SLC35F1: variants seen among roughly 807,000 people sequenced by gnomAD.
SLC35F1 encodes chromosome 6 open reading frame 169.
In SLC35F1, 14 loss-of-function variants were observed where a neutral mutation model predicts 48.7. The ratio of observed to expected loss-of-function variants is 0.29; its 90% confidence interval spans 0.19 to 0.45. The LOEUF (loss-of-function observed/expected upper bound fraction) is 0.45. Ranked by LOEUF, SLC35F1 falls within the 20% of genes least tolerant of loss-of-function variation. SLC35F1 has a pLI of 1.00. For missense variants in SLC35F1, 404 were observed against 500.0 expected (o/e 0.81, Z 1.83); for synonymous variants, 190 against 202.2 (o/e 0.94, Z 0.51).
intron 1 of SLC35F1, among the ~76,000 whole-genome samples, chr6:117,950,574 C>T (rs1322951891): frequency 6.6e-6 from 1 of 152,298 alleles, no homozygotes; most frequent in Admixed American, 6.5e-5. Context: ...CATCACTCTT[C>T]AGTAGAGTGA....
intron 1 of SLC35F1, among the ~76,000 whole-genome samples, chr6:117,923,201 A>G (rs905067406): frequency 6.6e-6 from 1 of 152,140 alleles, no homozygotes; most frequent in Non-Finnish European, 1.5e-5. Context: ...AACCAGATGA[A>G]GTTTATTTCT....
intron 3 of SLC35F1, among the ~76,000 whole-genome samples, chr6:118,254,422 T>G (rs1201551981): frequency 6.6e-6 from 1 of 152,160 alleles, no homozygotes; most frequent in African/African-American, 2.4e-5. Context: ...GCTGGGACTA[T>G]AGGTGTGTGC....
At chr6:117,970,947 T>C (rs1776629983) in intron 1 of SLC35F1, among the ~76,000 whole-genome samples, 1 of 152,196 alleles carries the variant, frequency 6.6e-6, no homozygotes, top group South Asian at 2.1e-4. Flanking sequence ...CCAAATCTCA[T>C]GTCCTCACAT....
Position 118,275,443 on chromosome 6 carries a change from T to G in SLC35F1, c.638-16T>G, listed in dbSNP as rs1440251833. 30 of 1,598,234 alleles carry G rather than the reference T, an allele frequency of 1.9e-5. No individual in the cohort carries two copies. The highest frequency in any genetic ancestry group is 3.5e-5 in the Admixed American group (2 of 57,158). ...TAATGATGCTCCCTCTGTTTGTTTG[T>G]TTGGTTGGTTCCTAGGGGAAAATAA... On this transcript the variant is annotated splice_polypyrimidine_tract_variant and intron_variant, in intron 4 of 7. Transcript: ENST00000360388.
At chr6:118,181,556 G>C (rs1468660389) in intron 2 of SLC35F1, among the ~76,000 whole-genome samples, 2 of 151,974 alleles carry the variant, frequency 1.3e-5, no homozygotes, top group Admixed American at 6.6e-5. Flanking sequence ...CAATACATGA[G>C]ACAAATCAAA....
At chr6:118,227,099 C>T (rs1775228727) in intron 2 of SLC35F1, among the ~76,000 whole-genome samples, 1 of 152,194 alleles carries the variant, frequency 6.6e-6, no homozygotes, top group Non-Finnish European at 1.5e-5. Context: ...TGGTGCACTG[C>T]CAGCAAGAAG....
intron 1 of SLC35F1, chr6:117,999,271 T>A (rs1291356999): frequency 3.2e-5 from 51 of 1,596,108 alleles, no homozygotes; most frequent in Non-Finnish European, 4.3e-5. Flanking sequence ...ATGCCTACGT[T>A]GCCCACCCCA....
intron 3 of SLC35F1, among the ~76,000 whole-genome samples, chr6:118,259,460 T>C (rs1461901874): frequency 6.6e-6 from 1 of 151,902 alleles, no homozygotes; most frequent in Non-Finnish European, 1.5e-5. Context: ...TCATTTATAA[T>C]TCAGAAGAAC....
chr6:118,266,902 A>G lies in SLC35F1; in HGVS notation c.478-93A>G. Reference sequence around the variant, plus strand: ...ATCTCAGGTTCAGGGGAAAGGCAGAACCCTTTCTGCAGAACTAAATTACTT... The same window carrying G: ...ATCTCAGGTTCAGGGGAAAGGCAGAGCCCTTTCTGCAGAACTAAATTACTT... On this transcript the variant is annotated intron_variant, in intron 3 of 7. Coordinates refer to ENST00000360388, the MANE Select transcript of SLC35F1 (RefSeq NM_001029858.4). 2.8e-6 allele frequency: 4 copies of G among 1,412,730 alleles called. No homozygotes were observed. In the Admixed American group the frequency reaches 7.0e-5, roughly 25 times the overall value. 87.5% of individuals were successfully genotyped at this position (1,412,730 alleles called of 1,614,324 possible).
chr6:118,231,632 G>A (rs765563492), intron 2 of SLC35F1, among the ~76,000 whole-genome samples: 1 of 152,164 alleles, frequency 6.6e-6, no homozygotes, highest in Non-Finnish European at 1.5e-5. Flanking sequence ...AAACAATATG[G>A]AAGCATTTAT....
At chr6:118,049,391 G>A (rs1772350926) in intron 1 of SLC35F1, among the ~76,000 whole-genome samples, 1 of 152,040 alleles carries the variant, frequency 6.6e-6, no homozygotes, top group Admixed American at 6.6e-5. Context: ...AAGAGCTTCT[G>A]CACAGCAAAA....
Position 118,314,112 on chromosome 6 carries a change from G to A in SLC35F1, c.1087G>A (p.Asp363Asn). The A allele has an allele frequency of 1.2e-6, 2 of 1,614,086 alleles. No individual in the cohort carries two copies. Among genetic ancestry groups the A allele is most frequent in the Non-Finnish European group, 1.7e-6 (2 of 1,180,026 alleles). The change falls in exon 8 of 8, where the codon GAC (aspartate) becomes AAC (asparagine). Residue 363 changes from aspartate to asparagine, a missense_variant. Transcript: ENST00000360388. The stretch of plus-strand genomic sequence containing the variant: ...CTCCACCTCCACCTACATAGCCCAG[G>A]ACCCCCGAGTGTATAAGCAGTTCCG... Reference protein sequence around the residue: ...YSSTSTYIAQDPRVYKQFRNP... With the variant: ...YSSTSTYIAQNPRVYKQFRNP...
intron 1 of SLC35F1, among the ~76,000 whole-genome samples, chr6:118,029,275 C>T (rs1772005567): frequency 6.6e-6 from 1 of 151,940 alleles, no homozygotes; most frequent in South Asian, 2.1e-4. Context: ...ATACAGTAGC[C>T]CTCCTTATCT....
In SLC35F1 at chr6:118,120,088, G is replaced by A. The variant is rs1010343580; in HGVS notation, c.174-34357G>A. Among the ~76,000 whole-genome samples, 50 of 152,106 alleles carry A rather than the reference G, an allele frequency of 3.3e-4. 2 individuals are homozygous for A. ...GGTTTCCCACCTTCTACAGTGCCTG[G>A]CCTGGAGTAGATAGTGGGTACAATT... is the stretch of plus-strand genomic sequence containing the variant. On this transcript the variant is annotated intron_variant, in intron 1 of 7. Coordinates refer to ENST00000360388, the MANE Select transcript of SLC35F1 (RefSeq NM_001029858.4).
intron 2 of SLC35F1, among the ~76,000 whole-genome samples, chr6:118,187,378 CTG>C (rs1774670784): frequency 6.6e-6 from 1 of 152,150 alleles, no homozygotes; most frequent in Admixed American, 6.5e-5. Flanking sequence ...AAAAAGAGGC[CTG>C]AAAATTGTAA....
At chr6:118,282,142 T>C (rs1348140022) in intron 6 of SLC35F1, among the ~76,000 whole-genome samples, 1 of 152,206 alleles carries the variant, frequency 6.6e-6, no homozygotes. Context: ...ATTCAGTTCA[T>C]TTGTATGATC....
chr6:118,164,662 A>G (rs1472811145), intron 2 of SLC35F1, among the ~76,000 whole-genome samples: 1 of 152,242 alleles, frequency 6.6e-6, no homozygotes, highest in Admixed American at 6.5e-5. Flanking sequence ...GCCATCATCA[A>G]CATTAGATTT....
intron 1 of SLC35F1, among the ~76,000 whole-genome samples, chr6:118,147,599 G>A (rs1316572425): frequency 1.3e-5 from 2 of 152,048 alleles, no homozygotes; most frequent in Non-Finnish European, 2.9e-5. Context: ...GCGCAATCAC[G>A]GAGCTTAGTT....
chr6:118,161,987 G>A (rs915856769), intron 2 of SLC35F1, among the ~76,000 whole-genome samples: 17 of 152,120 alleles, frequency 1.1e-4, no homozygotes, highest in Non-Finnish European at 1.6e-4. Flanking sequence ...AAGGTTAAAC[G>A]TACATTTGCC....
Sources: gnomAD v4.1 joint callset for allele counts (sites outside exome capture counted in the v4.1 genomes callset) on GRCh38, gnomAD v4.1.1 for gene constraint, MANE v1.5 for transcripts, NCBI Gene and HGNC (gene_info 2026-07-23, HGNC 2026-07-21) for gene names.